Variants in ASAP1 observed in about 807,000 individuals in gnomAD.
ASAP1 encodes the protein ArfGAP with SH3 domain, ankyrin repeat and PH domain 1, also known as arf-GAP with SH3 domain, ANK repeat and PH domain-containing protein 1.
A neutral mutation model predicts 145.2 loss-of-function variants in ASAP1; 43 were observed. The observed-to-expected ratio is 0.30, with a 90% CI of 0.23 to 0.38. The LOEUF (loss-of-function observed/expected upper bound fraction) is 0.38, where lower values mean the gene tolerates loss of function less well. Ranked by LOEUF, ASAP1 falls within the 10% of genes least tolerant of loss-of-function variation. ASAP1 has a pLI of 1.00. For missense variants in ASAP1, 1,018 were observed against 1,355.3 expected, an observed-to-expected ratio of 0.75 and a Z score of 3.91; for synonymous variants, 546 against 515.5, an observed-to-expected ratio of 1.06 and a Z score of -0.80.
chr8:130,375,872 C>A (rs1432555506), intron 2 of ASAP1, among the ~76,000 whole-genome samples: 1 of 152,204 alleles, frequency 6.6e-6, no homozygotes, highest in Non-Finnish European at 1.5e-5. Context: ...TACAGCCATA[C>A]CTTTGCTGAT....
chr8:130,124,206 C>A, intron 17 of ASAP1, 102 bp from the exon 18 acceptor site: 1 of 845,792 alleles, frequency 1.2e-6, no homozygotes, highest in East Asian at 2.6e-5. Context: ...TGTATTTTCC[C>A]TCATTTGACT....
intron 24 of ASAP1, 124 bp from the exon 25 acceptor site, chr8:130,092,267 C>T: frequency 1.0e-5 from 10 of 994,558 alleles, no homozygotes; most frequent in Middle Eastern, 2.9e-4. Context: ...AAGCAAAAGG[C>T]TGGATATGGC....
chr8:130,204,567 C>T (rs1292013601), intron 5 of ASAP1, among the ~76,000 whole-genome samples: 1 of 152,150 alleles, frequency 6.6e-6, no homozygotes, highest in African/African-American at 2.4e-5. Flanking sequence ...CCTGCTCCCT[C>T]CCATTTCCAG....
At chr8:130,099,280 G>A (rs1298878165) in intron 24 of ASAP1, among the ~76,000 whole-genome samples, 6 of 151,298 alleles carry the variant, frequency 4.0e-5, no homozygotes, top group East Asian at 2.0e-4. Flanking sequence ...CCAGGTTCAC[G>A]CCATTCTCCT....
intron 10 of ASAP1, among the ~76,000 whole-genome samples, chr8:130,168,456 G>A (rs1450198898): frequency 6.6e-6 from 1 of 152,150 alleles, no homozygotes; most frequent in Admixed American, 6.6e-5. Context: ...ACTAGTCTGG[G>A]CAACACAGTG....
intron 13 of ASAP1, among the ~76,000 whole-genome samples, chr8:130,147,556 C>G (rs569447450): frequency 6.6e-6 from 1 of 152,190 alleles, no homozygotes; most frequent in Admixed American, 6.5e-5. Context: ...ACACTTATTG[C>G]GGTCCAGGCT....
chr8:130,072,831 G>GCGCGTGCGCGC, intron 27 of ASAP1, among the ~76,000 whole-genome samples: 1 of 110,706 alleles, frequency 9.0e-6, no homozygotes, highest in Middle Eastern at 4.1e-3. Context: ...GTGTGCGCGC[G>GCGCGTGCGCGC]GGGGGGGGCA....
chr8:130,169,882 C>T (rs930472211), intron 9 of ASAP1, among the ~76,000 whole-genome samples: 30 of 152,318 alleles, frequency 2.0e-4, no homozygotes, highest in African/African-American at 2.2e-4. Flanking sequence ...TTCTGATCCA[C>T]GCTCTTTACC....
chr8:130,271,683 G>GGGCT (rs1187011991), intron 3 of ASAP1, among the ~76,000 whole-genome samples: 1 of 152,096 alleles, frequency 6.6e-6, no homozygotes, highest in Non-Finnish European at 1.5e-5. Context: ...TATAAACGAT[G>GGGCT]GGCTGATCAC....
chr8:130,334,030 G>T (rs1376810407), intron 3 of ASAP1, among the ~76,000 whole-genome samples: 1 of 152,184 alleles, frequency 6.6e-6, no homozygotes, highest in Admixed American at 6.5e-5. Context: ...TCTTCAGAAG[G>T]TGACATCTGA....
chr8:130,242,798 G>A (rs1352351392), intron 3 of ASAP1, among the ~76,000 whole-genome samples: 1 of 152,104 alleles, frequency 6.6e-6, no homozygotes, highest in Non-Finnish European at 1.5e-5. Flanking sequence ...AGAAAGAATT[G>A]ACAATGAAGA....
chr8:130,286,614 G>A (rs996464824), intron 3 of ASAP1, among the ~76,000 whole-genome samples: 1 of 152,106 alleles, frequency 6.6e-6, no homozygotes, highest in Non-Finnish European at 1.5e-5. Flanking sequence ...GGTTTAATGA[G>A]TTAAACCATG....
In ASAP1 at chr8:130,072,824, T is replaced by TGTGCGC; in HGVS notation, c.2701+3523_2701+3524insGCGCAC. Among the ~76,000 whole-genome samples the TGTGCGC allele has an allele frequency of 5.9e-4, 19 of 32,280 alleles. 4 individuals are homozygous for TGTGCGC. In the East Asian group the frequency reaches 7.3e-3, roughly 12 times the overall value. 21.2% of individuals were successfully genotyped at this position (32,280 alleles called of 152,430 possible). On this transcript the variant is annotated intron_variant, in intron 27 of 29. Transcript: ENST00000518721. ...GTGTGTGTGTGTGTGTGTGTGTGTGTGCGCGCGGGGGGGGGCAGTTTTGGG... is the reference window on the plus strand; with the variant it reads ...GTGTGTGTGTGTGTGTGTGTGTGTGTGTGCGCGCGCGCGGGGGGGGGCAGTTTTGGG...
At chr8:130,058,138 G>C in intron 28 of ASAP1, 62 bp from the exon 29 acceptor site, 1 of 1,582,652 alleles carries the variant, frequency 6.3e-7, no homozygotes, top group Non-Finnish European at 8.7e-7. Context: ...AAGAGCAGCG[G>C]TTCTTTGTAA....
At chr8:130,339,570 G>A (rs1407881956) in intron 3 of ASAP1, among the ~76,000 whole-genome samples, 1 of 152,114 alleles carries the variant, frequency 6.6e-6, no homozygotes, top group Non-Finnish European at 1.5e-5. Flanking sequence ...TTGGTTTGTA[G>A]ATGTTTAAAA....
chr8:130,072,385 C>T (rs2097448612), intron 27 of ASAP1, among the ~76,000 whole-genome samples: 1 of 152,136 alleles, frequency 6.6e-6, no homozygotes, highest in Non-Finnish European at 1.5e-5. Flanking sequence ...CTCATGAAAT[C>T]TGATGGTTTT....
chr8:130,127,581 G>C lies in ASAP1; in HGVS notation c.1381+346C>G, dbSNP rs577143299. ...CGAATCAGAATACTAAAGGGACTCAGTGTGAGATGGTCCAGGCTGGGAGTG... is the reference window on the plus strand; with the variant it reads ...CGAATCAGAATACTAAAGGGACTCACTGTGAGATGGTCCAGGCTGGGAGTG... On this transcript the variant is annotated intron_variant, in intron 16 of 29. Coordinates refer to ENST00000518721, the MANE Select transcript of ASAP1 (RefSeq NM_018482.4). Among the ~76,000 whole-genome samples the C allele has an allele frequency of 1.5e-3, 231 of 152,308 alleles. 2 individuals carry two copies. Among genetic ancestry groups the C allele is most frequent in the Middle Eastern group, 3.4e-3 (1 of 294 alleles).
chr8:130,233,209 C>T (rs1818013233), intron 4 of ASAP1, among the ~76,000 whole-genome samples: 1 of 152,148 alleles, frequency 6.6e-6, no homozygotes, highest in African/African-American at 2.4e-5. Flanking sequence ...CCAAAGTCAT[C>T]CCACAGGTTA....
chr8:130,111,352 A>G (rs963428062), intron 24 of ASAP1, among the ~76,000 whole-genome samples: 4 of 149,896 alleles, frequency 2.7e-5, no homozygotes, highest in Non-Finnish European at 4.5e-5. Flanking sequence ...GTCTCAAGGG[A>G]AAAAAAAAAT....
Sources: allele counts gnomAD v4.1 joint callset (sites outside exome capture counted in the v4.1 genomes callset), GRCh38; gene constraint gnomAD v4.1.1; transcripts MANE v1.5; gene names NCBI Gene and HGNC (gene_info 2026-07-23, HGNC 2026-07-21).